The following MGAM variants were observed in gnomAD, a reference collection of about 807,000 sequenced individuals.
The protein encoded by MGAM is maltase-glucoamylase.
MGAM carries 253 observed loss-of-function variants against 358.8 expected under a neutral mutation model. The ratio of observed to expected loss-of-function variants is 0.71; its 90% CI spans 0.64 to 0.78. The LOEUF is 0.78. Among genes scored for constraint, MGAM ranks in the 30% least tolerant of loss-of-function variants. The probability of loss-of-function intolerance (pLI) is 0.00; values close to 1 mark genes in which losing one functional copy is unlikely to be tolerated. For missense variants in MGAM, 3,080 were observed against 3,432.6 expected (o/e 0.90, Z 2.57); for synonymous variants, 1,105 against 1,227.1 (o/e 0.90, Z 2.08).
chr7:142,043,604 A>T lies in MGAM; in HGVS notation c.2498+2758A>T, dbSNP rs185055419. Among the ~76,000 whole-genome samples, 2 of 65,628 alleles carry T rather than the reference A, an allele frequency of 3.0e-5. 1 individual carries two copies. The highest frequency in any genetic ancestry group is 7.9e-5 in the Non-Finnish European group (2 of 25,234). The allele number at this position is 65,628 out of a possible 152,430, so 43.1% of individuals were successfully genotyped here. ...ATCTAAATATATAATATATACATAT[A>T]ATATCTAATATATAATACATATATT... is the stretch of plus-strand genomic sequence containing the variant. On this transcript the variant is annotated intron_variant, in intron 21 of 70. Coordinates refer to ENST00000475668, the MANE Select transcript of MGAM (RefSeq NM_001365693.1).
At chr7:142,011,935 A>G (rs1428123243) in intron 3 of MGAM, among the ~76,000 whole-genome samples, 1 of 152,162 alleles carries the variant, frequency 6.6e-6, no homozygotes, top group African/African-American at 2.4e-5. Flanking sequence ...CTGACTCAAG[A>G]TGCACATATT....
intron 44 of MGAM, among the ~76,000 whole-genome samples, chr7:142,072,977 C>A (rs1563196591): frequency 1.4e-5 from 2 of 146,518 alleles, no homozygotes; most frequent in Admixed American, 1.4e-4. Context: ...ATATTCCTTA[C>A]TGTCTTGCAA....
At chr7:142,083,862 G>A (rs1814539777) in intron 53 of MGAM, among the ~76,000 whole-genome samples, 1 of 144,202 alleles carries the variant, frequency 6.9e-6, no homozygotes, top group Non-Finnish European at 1.6e-5. Context: ...CGATGATGGG[G>A]TGGTGATGGT....
At chr7:142,025,416 C>T (rs962438589) in intron 8 of MGAM, among the ~76,000 whole-genome samples, 15 of 151,420 alleles carry the variant, frequency 9.9e-5, no homozygotes, top group African/African-American at 3.4e-4. Flanking sequence ...AGGAGCTCAC[C>T]CTTCCCTATA....
chr7:142,050,937 T>A, intron 24 of MGAM, 73 bp downstream of exon 24: 1 of 1,602,332 alleles, frequency 6.2e-7, no homozygotes, highest in Non-Finnish European at 8.5e-7. Flanking sequence ...CTTGCCAAGT[T>A]TGCATGGGTC....
intron 8 of MGAM, among the ~76,000 whole-genome samples, chr7:142,026,202 T>C (rs1265522361): frequency 1.5e-5 from 2 of 135,424 alleles, no homozygotes; most frequent in East Asian, 5.0e-4. Context: ...ATTTCTGACT[T>C]TTTTTTTTTA....
intron 42 of MGAM, among the ~76,000 whole-genome samples, chr7:142,067,935 A>AATATATAT (rs547783903): frequency 1.4e-4 from 4 of 29,198 alleles, no homozygotes; most frequent in African/African-American, 3.2e-4. Context: ...ACCTCCCTCA[A>AATATATAT]ATATATATAT....
chr7:142,102,768 T>G (rs561431963), intron 69 of MGAM, 89 bp downstream of exon 69: 1 of 1,233,548 alleles, frequency 8.1e-7, no homozygotes, highest in Non-Finnish European at 1.2e-6. Flanking sequence ...CCACCTAGAA[T>G]TTCTTCATTG....
intron 4 of MGAM, 81 bp from the exon 5 acceptor site, chr7:142,020,893 C>T (rs1806387100): frequency 5.1e-6 from 5 of 982,220 alleles, no homozygotes; most frequent in South Asian, 1.4e-5. Context: ...CACCCAGCCC[C>T]GTGTATCATA....
chr7:142,031,839 G>A (rs781903805), intron 13 of MGAM, 46 bp downstream of exon 13: 36 of 1,289,528 alleles, frequency 2.8e-5, no homozygotes, highest in Non-Finnish European at 3.6e-5. Flanking sequence ...TATTCAAATT[G>A]TGTATATCTG....
intron 18 of MGAM, among the ~76,000 whole-genome samples, chr7:142,037,626 T>A (rs1242745939): frequency 6.6e-6 from 1 of 152,326 alleles, no homozygotes; most frequent in East Asian, 1.9e-4. Flanking sequence ...ATGAAATTTC[T>A]TGTTAAAAGG....
In MGAM at chr7:142,102,620, T is replaced by C; in HGVS notation, c.7964-10T>C. 6.2e-7 allele frequency: 1 copy of C among 1,612,732 alleles called. No homozygotes were observed. Among genetic ancestry groups the C allele is most frequent in the Middle Eastern group, 1.6e-4 (1 of 6,062 alleles). ...GTCCAGGCCATGTTTATCTTGTTTT[T>C]TGTTTGCAGATACCTATGGGAAAGG... is the stretch of plus-strand genomic sequence containing the variant. On this transcript the variant is annotated splice_polypyrimidine_tract_variant and intron_variant, in intron 68 of 70. Transcript: ENST00000475668.
At chr7:142,045,234 T>A (rs1809991818) in intron 21 of MGAM, among the ~76,000 whole-genome samples, 1 of 75,278 alleles carries the variant, frequency 1.3e-5, no homozygotes, top group Non-Finnish European at 2.4e-5. Flanking sequence ...ATATATATTA[T>A]ATATCATATA....
chr7:142,075,415 A>G (rs1813656738), intron 45 of MGAM, among the ~76,000 whole-genome samples: 1 of 146,674 alleles, frequency 6.8e-6, no homozygotes, highest in Non-Finnish European at 1.5e-5. Flanking sequence ...AGCAAAGGCA[A>G]AATGCCAAAA....
chr7:142,042,919 C>A (rs868353249), intron 21 of MGAM, among the ~76,000 whole-genome samples: 2 of 43,852 alleles, frequency 4.6e-5, no homozygotes, highest in African/African-American at 8.4e-5. Flanking sequence ...ATTATATATA[C>A]ATATAATATC....
At chr7:142,076,039 A>G (rs1332589321) in intron 45 of MGAM, among the ~76,000 whole-genome samples, 164 bp from the exon 46 acceptor site, 1 of 146,456 alleles carries the variant, frequency 6.8e-6, no homozygotes, top group Non-Finnish European at 1.5e-5. Context: ...AAACATTCTA[A>G]GTATACATTG....
chr7:141,987,551 C>T (rs1803768775), intron 2 of MGAM, among the ~76,000 whole-genome samples: 1 of 151,992 alleles, frequency 6.6e-6, no homozygotes, highest in Non-Finnish European at 1.5e-5. Flanking sequence ...TTATGTTGAG[C>T]TTCCCACACA....
At chr7:142,045,331 A>G (rs1810053940) in intron 21 of MGAM, among the ~76,000 whole-genome samples, 1 of 111,660 alleles carries the variant, frequency 9.0e-6, no homozygotes, top group South Asian at 2.5e-4. Context: ...ATGATATATA[A>G]TATATATTAT....
chr7:142,041,982 A>ATAAT (rs1210943951), intron 21 of MGAM, among the ~76,000 whole-genome samples: 1 of 13,154 alleles, frequency 7.6e-5, no homozygotes, highest in African/African-American at 2.5e-4. Context: ...ATATATATAT[A>ATAAT]ATATAATATA....
Sources: allele counts gnomAD v4.1 joint callset (sites outside exome capture counted in the v4.1 genomes callset), GRCh38; gene constraint gnomAD v4.1.1; transcripts MANE v1.5; gene names NCBI Gene and HGNC (gene_info 2026-07-23, HGNC 2026-07-21).